TMEM232: variants seen among roughly 807,000 people sequenced by gnomAD.
TMEM232 encodes transmembrane protein 232.
TMEM232 carries 80 observed loss-of-function variants against 78.8 expected under a neutral mutation model. The observed-to-expected ratio is 1.01, with a 90% CI of 0.85 to 1.22. The LOEUF is 1.22. TMEM232 is among the 50% of genes most tolerant of loss of function. The probability of loss-of-function intolerance (pLI) is 0.00; values close to 1 mark genes in which losing one functional copy is unlikely to be tolerated. For synonymous variants in TMEM232, 297 were observed against 254.3 expected (o/e 1.17, Z -1.60); for missense variants, 881 against 742.2 (o/e 1.19, Z -2.17).
At chr5:110,673,278 G>C (rs1420710872) in intron 1 of TMEM232, among the ~76,000 whole-genome samples, 1 of 149,576 alleles carries the variant, frequency 6.7e-6, no homozygotes, top group African/African-American at 2.5e-5. Flanking sequence ...ACAGGAAGGG[G>C]AACATCACAC....
At chr5:110,510,913 A>C (rs1767648326) in intron 12 of TMEM232, among the ~76,000 whole-genome samples, 1 of 152,192 alleles carries the variant, frequency 6.6e-6, no homozygotes, top group South Asian at 2.1e-4. Flanking sequence ...AGAATCAGAA[A>C]TACCATTTGA....
intron 10 of TMEM232, among the ~76,000 whole-genome samples, chr5:110,585,003 C>A (rs1322287996): frequency 1.3e-5 from 2 of 152,012 alleles, no homozygotes; most frequent in African/African-American, 2.4e-5. Context: ...GGTCTTTTCC[C>A]TCTGTGTTCA....
intron 12 of TMEM232, among the ~76,000 whole-genome samples, chr5:110,442,181 G>C (rs1358160202): frequency 6.6e-6 from 1 of 152,050 alleles, no homozygotes; most frequent in Non-Finnish European, 1.5e-5. Flanking sequence ...GAAGTTCTAT[G>C]ATATATCTCT....
intron 1 of TMEM232, among the ~76,000 whole-genome samples, chr5:110,712,073 G>A (rs1796540318): frequency 7.3e-6 from 1 of 137,414 alleles, no homozygotes; most frequent in African/African-American, 2.9e-5. Context: ...CTGCACTCCA[G>A]CCTGGGGGAC....
chr5:110,655,954 C>T (rs948665607), intron 2 of TMEM232, among the ~76,000 whole-genome samples: 4 of 149,096 alleles, frequency 2.7e-5, no homozygotes, highest in Admixed American at 2.7e-4. Context: ...ATACCTAATG[C>T]TAAATGACGA....
intron 10 of TMEM232, among the ~76,000 whole-genome samples, chr5:110,584,581 T>C (rs1778590623): frequency 2.0e-5 from 3 of 152,076 alleles, no homozygotes; most frequent in South Asian, 2.1e-4. Context: ...CTGTAAAACA[T>C]TGTGTCTCTA....
At chr5:110,675,384 CA>C (rs1277694818) in intron 1 of TMEM232, among the ~76,000 whole-genome samples, 1 of 152,082 alleles carries the variant, frequency 6.6e-6, no homozygotes, top group Non-Finnish European at 1.5e-5. Flanking sequence ...AGGACTGCTG[CA>C]ATGGTAGGTA....
intron 1 of TMEM232, among the ~76,000 whole-genome samples, chr5:110,711,553 A>C (rs1796480106): frequency 6.6e-6 from 1 of 152,180 alleles, no homozygotes; most frequent in Admixed American, 6.5e-5. Flanking sequence ...TACTATAGGA[A>C]CCAAAACAGC....
intron 12 of TMEM232, among the ~76,000 whole-genome samples, chr5:110,433,826 A>T (rs1481869925): frequency 6.6e-6 from 1 of 152,098 alleles, no homozygotes; most frequent in Non-Finnish European, 1.5e-5. Context: ...CCAGGAATAA[A>T]GCCCACTTGA....
At chr5:110,561,819 G>A (rs992593335) in intron 11 of TMEM232, among the ~76,000 whole-genome samples, 6 of 152,164 alleles carry the variant, frequency 3.9e-5, no homozygotes, top group African/African-American at 1.4e-4. Context: ...TCTGTTCCAC[G>A]TTGTCTGTCA....
chr5:110,591,644 G>T (rs1362681184), intron 10 of TMEM232, among the ~76,000 whole-genome samples: 2 of 152,118 alleles, frequency 1.3e-5, no homozygotes, highest in African/African-American at 2.4e-5. Context: ...CCCATGGACA[G>T]TATTCTTATC....
intron 12 of TMEM232, among the ~76,000 whole-genome samples, chr5:110,463,803 C>G (rs1057447999): frequency 9.9e-5 from 15 of 152,192 alleles, no homozygotes; most frequent in Non-Finnish European, 2.1e-4. Flanking sequence ...TCCACACCCT[C>G]CATTGCATCT....
intron 2 of TMEM232, among the ~76,000 whole-genome samples, chr5:110,733,279 G>A (rs1314433722): frequency 6.6e-6 from 1 of 152,204 alleles, no homozygotes; most frequent in Non-Finnish European, 1.5e-5. Context: ...GTGGACAGCA[G>A]TGCGTTGGTT....
At chr5:110,685,712 T>C (rs1793313489) in intron 1 of TMEM232, among the ~76,000 whole-genome samples, 1 of 152,160 alleles carries the variant, frequency 6.6e-6, no homozygotes, top group South Asian at 2.1e-4. Flanking sequence ...AGTACTGTTA[T>C]TCGCAATAGT....
At chr5:110,542,000 T>C (rs746729717) in intron 11 of TMEM232, among the ~76,000 whole-genome samples, 1 of 152,132 alleles carries the variant, frequency 6.6e-6, no homozygotes. Flanking sequence ...TTTTCAGTAA[T>C]ATTGGCCATG....
chr5:110,712,342 C>G (rs1796574214), intron 1 of TMEM232, among the ~76,000 whole-genome samples: 1 of 151,556 alleles, frequency 6.6e-6, no homozygotes, highest in South Asian at 2.1e-4. Context: ...GCCAACTATC[C>G]ATCTGACAAG....
chr5:110,421,138 A>AAATT (rs1756593262), intron 13 of TMEM232, among the ~76,000 whole-genome samples: 1 of 152,096 alleles, frequency 6.6e-6, no homozygotes, highest in Non-Finnish European at 1.5e-5. Flanking sequence ...CAGAAAATAC[A>AAATT]AATTAAACAG....
chr5:110,483,805 G>A (rs1350254806), intron 12 of TMEM232, among the ~76,000 whole-genome samples: 1 of 151,856 alleles, frequency 6.6e-6, no homozygotes, highest in Non-Finnish European at 1.5e-5. Flanking sequence ...TTCATTACTG[G>A]GTATATACCC....
At chr5:110,708,850 T>C (rs1268831395) in intron 1 of TMEM232, among the ~76,000 whole-genome samples, 22 of 151,030 alleles carry the variant, frequency 1.5e-4, no homozygotes, top group Admixed American at 1.5e-3. Flanking sequence ...GCAAAACAAA[T>C]AACAAAATGG....
Sources: gnomAD v4.1 joint callset for allele counts (sites outside exome capture counted in the v4.1 genomes callset) on GRCh38, gnomAD v4.1.1 for gene constraint, MANE v1.5 for transcripts, NCBI Gene and HGNC (gene_info 2026-07-23, HGNC 2026-07-21) for gene names.